TF: variants seen among roughly 807,000 people sequenced by gnomAD.
TF encodes the protein serotransferrin.
In TF, 55 loss-of-function variants were observed where a neutral mutation model predicts 82.4. That is an observed-to-expected ratio of 0.67 (90% CI 0.54 to 0.84). TF has a LOEUF of 0.84. Among genes scored for constraint, TF ranks in the 40% least tolerant of loss-of-function variants. The pLI, the probability that TF is intolerant of heterozygous loss-of-function variation, is 0.00. For missense variants in TF, 737 were observed against 868.4 expected, an observed-to-expected ratio of 0.85 and a Z score of 1.90; for synonymous variants, 332 against 332.6, an observed-to-expected ratio of 1.00 and a Z score of 0.02.
In TF at chr3:133,764,940, A is replaced by C. The variant is rs146341215; in HGVS notation, c.1330+33A>C. On this transcript the variant is annotated intron_variant, in intron 11 of 16. Coordinates refer to ENST00000402696, the MANE Select transcript of TF (RefSeq NM_001063.4). ...TGAATTGGTAACCTCTGGAGTTAAA[A>C]GATAAATTCCCATTGTTTTGGGGAA... is the stretch of plus-strand genomic sequence containing the variant. The C allele has an allele frequency of 2.4e-4, 393 of 1,610,416 alleles. 2 individuals are homozygous for C. The African/African-American group carries it at 4.4e-3, about 18-fold the overall frequency.
chr3:133,665,664 G>C, the TF span, among the ~76,000 whole-genome samples: 1 of 151,888 alleles, frequency 6.6e-6, no homozygotes, highest in African/African-American at 2.4e-5. Context: ...GGAAAAGGAG[G>C]CCGGGAGTGG....
chr3:133,688,273 G>A, the TF span: 1 of 152,986 alleles, frequency 6.5e-6, no homozygotes, highest in South Asian at 2.1e-4. Context: ...ACCAGTTTCC[G>A]AGACAATATG....
At chr3:133,775,344 T>G in intron 14 of TF, 89 bp from the exon 15 acceptor site, 1 of 1,399,888 alleles carries the variant, frequency 7.1e-7, no homozygotes, top group Non-Finnish European at 1.0e-6. Context: ...AAGGCCCAGG[T>G]TCTCTACACA....
In TF at chr3:133,793,561, T is replaced by C. The variant is rs1321979037; in HGVS notation, c.*14941T>C. On this transcript the variant is annotated 3_prime_UTR_variant, in exon 17 of 17. Transcript: ENST00000402696. ...AATAATATTAATATATGTTCCAAAATTGTATGAGATTTCTAAAATTCCAAT... is the reference window on the plus strand; with the variant it reads ...AATAATATTAATATATGTTCCAAAACTGTATGAGATTTCTAAAATTCCAAT... 1 of 152,186 alleles carries C rather than the reference T, an allele frequency of 6.6e-6. No individual in the cohort carries two copies. The highest frequency in any genetic ancestry group is 2.4e-5 in the African/African-American group (1 of 41,456). 9.4% of individuals were successfully genotyped at this position (152,186 alleles called of 1,614,324 possible).
chr3:133,776,104 CT>C (rs1454402814), intron 15 of TF, among the ~76,000 whole-genome samples: 1 of 152,218 alleles, frequency 6.6e-6, no homozygotes, highest in Non-Finnish European at 1.5e-5. Flanking sequence ...TCTGCTCCCC[CT>C]AACCTTGTTC....
At chr3:133,733,057 G>A in the TF span, among the ~76,000 whole-genome samples, 11 of 152,346 alleles carry the variant, frequency 7.2e-5, no homozygotes, top group African/African-American at 2.6e-4. Flanking sequence ...CCAACGCTAT[G>A]TTCCTGCCTT....
chr3:133,717,713 C>G, the TF span, among the ~76,000 whole-genome samples: 1 of 152,076 alleles, frequency 6.6e-6, no homozygotes, highest in Non-Finnish European at 1.5e-5. Context: ...TGGATTGAGG[C>G]GGCTGGGGTG....
At chr3:133,693,475 C>T in the TF span, among the ~76,000 whole-genome samples, 3 of 152,156 alleles carry the variant, frequency 2.0e-5, no homozygotes, top group Admixed American at 6.5e-5. Context: ...TTTTTGAGTC[C>T]GGCCAACCTC....
chr3:133,717,182 G>C, the TF span, among the ~76,000 whole-genome samples: 1 of 152,088 alleles, frequency 6.6e-6, no homozygotes, highest in Non-Finnish European at 1.5e-5. Context: ...GAATGAACAA[G>C]GACCCCGTTG....
rs1488116504 is a variant in TF, at chr3:133,781,592, C to T, written c.*2972C>T. The T allele has an allele frequency of 6.6e-6, 1 of 152,016 alleles. No homozygotes were observed. The highest frequency in any genetic ancestry group is 1.5e-5 in the Non-Finnish European group (1 of 67,992). 9.4% of individuals were successfully genotyped at this position (152,016 alleles called of 1,614,324 possible). On this transcript the variant is annotated 3_prime_UTR_variant, in exon 17 of 17. Transcript: ENST00000402696. ...TCAGTATTGTAAAGATGTCAATTCT[C>T]CCTAAATTAATCAATATACAATTTT...
chr3:133,701,744 T>C, the TF span, among the ~76,000 whole-genome samples: 1 of 152,304 alleles, frequency 6.6e-6, no homozygotes, highest in African/African-American at 2.4e-5. Flanking sequence ...AAGCTCTGTC[T>C]TCACTGATTG....
the TF span, among the ~76,000 whole-genome samples, chr3:133,672,106 G>A: frequency 6.6e-6 from 1 of 152,060 alleles, no homozygotes; most frequent in Non-Finnish European, 1.5e-5. Flanking sequence ...CAATAAATTT[G>A]AAAATTAGAT....
the TF span, among the ~76,000 whole-genome samples, chr3:133,671,061 A>G: frequency 6.6e-6 from 1 of 152,234 alleles, no homozygotes; most frequent in Non-Finnish European, 1.5e-5. Context: ...ATGGAATGGG[A>G]GATAAAAAGA....
the TF span, among the ~76,000 whole-genome samples, chr3:133,674,452 C>T: frequency 6.6e-6 from 1 of 152,210 alleles, no homozygotes; most frequent in Admixed American, 6.5e-5. Flanking sequence ...ACAAGCTGCT[C>T]GCTGGCTGCC....
chr3:133,698,065 GTA>G, the TF span, among the ~76,000 whole-genome samples: 1 of 152,228 alleles, frequency 6.6e-6, no homozygotes, highest in East Asian at 1.9e-4. Context: ...CCTTCATAGG[GTA>G]TAACCAGCTG....
the TF span, among the ~76,000 whole-genome samples, chr3:133,697,051 T>TAAAG: frequency 6.6e-6 from 1 of 152,250 alleles, no homozygotes; most frequent in African/African-American, 2.4e-5. Context: ...CCCAGTTCCT[T>TAAAG]ACAACTTAAT....
At chr3:133,696,391 GA>G in the TF span, among the ~76,000 whole-genome samples, 1 of 151,750 alleles carries the variant, frequency 6.6e-6, no homozygotes, top group Non-Finnish European at 1.5e-5. Context: ...ATGTAGTATA[GA>G]AAAAAATACT....
At chr3:133,732,843 T>C in the TF span, among the ~76,000 whole-genome samples, 2 of 152,168 alleles carry the variant, frequency 1.3e-5, no homozygotes, top group Non-Finnish European at 2.9e-5. Context: ...CCTCATTTTC[T>C]AGATGGGGAA....
chr3:133,730,000 A>G, the TF span, among the ~76,000 whole-genome samples: 2 of 151,938 alleles, frequency 1.3e-5, no homozygotes, highest in Non-Finnish European at 2.9e-5. Flanking sequence ...CTCTTACTGG[A>G]CATTTATTGT....
Sources: gnomAD v4.1 joint callset for allele counts (sites outside exome capture counted in the v4.1 genomes callset) on GRCh38, gnomAD v4.1.1 for gene constraint, MANE v1.5 for transcripts, NCBI Gene and HGNC (gene_info 2026-07-23, HGNC 2026-07-21) for gene names.